WWTR1: variants seen among roughly 807,000 people sequenced by gnomAD.
The protein encoded by WWTR1 is WW domain-containing transcription regulator protein 1.
WWTR1 carries 13 observed loss-of-function variants against 40.1 expected under a neutral mutation model. The observed-to-expected ratio is 0.32, with a 90% CI of 0.21 to 0.52. WWTR1 has a LOEUF of 0.52. Among genes scored for constraint, WWTR1 ranks in the 20% least tolerant of loss-of-function variants. The pLI is 0.97. For synonymous variants in WWTR1, 230 were observed against 210.1 expected (o/e 1.09, Z -0.82); for missense variants, 436 against 523.1 (o/e 0.83, Z 1.63).
chr3:149,571,416 C>T (rs1344567634), intron 3 of WWTR1, among the ~76,000 whole-genome samples: 2 of 152,104 alleles, frequency 1.3e-5, no homozygotes, highest in Non-Finnish European at 2.9e-5. Context: ...CTGATTTCTA[C>T]ACGAGCTCCT....
At chr3:149,528,273 A>G (rs2107910194) in intron 4 of WWTR1, among the ~76,000 whole-genome samples, 1 of 152,284 alleles carries the variant, frequency 6.6e-6, no homozygotes, top group South Asian at 2.1e-4. Context: ...CTCTCAAAAC[A>G]CTTTGTCAGA....
chr3:149,666,693 T>A (rs1024988940), intron 2 of WWTR1, among the ~76,000 whole-genome samples: 2 of 152,194 alleles, frequency 1.3e-5, no homozygotes, highest in African/African-American at 4.8e-5. Context: ...ATTTTACAGA[T>A]AAGAAAACCA....
chr3:149,589,410 C>G (rs1283808025), intron 2 of WWTR1, among the ~76,000 whole-genome samples: 5 of 152,064 alleles, frequency 3.3e-5, no homozygotes, highest in African/African-American at 9.7e-5. Context: ...ATTTTTAACC[C>G]CCACGTTAAT....
At chr3:149,644,331 CT>C (rs1452961628) in intron 2 of WWTR1, among the ~76,000 whole-genome samples, 4 of 152,204 alleles carry the variant, frequency 2.6e-5, no homozygotes, top group Non-Finnish European at 5.9e-5. Context: ...TTAAATCACT[CT>C]TATGAATACC....
intron 2 of WWTR1, among the ~76,000 whole-genome samples, chr3:149,645,348 G>A (rs1372118167): frequency 6.6e-6 from 1 of 152,034 alleles, no homozygotes; most frequent in Non-Finnish European, 1.5e-5. Context: ...CAAAGTGCTG[G>A]GATTACAGGT....
intron 4 of WWTR1, 83 bp from the exon 5 acceptor site, chr3:149,528,052 A>G: frequency 6.6e-7 from 1 of 1,512,242 alleles, no homozygotes. Context: ...AAAACTTTTC[A>G]CCAAATACAA....
At chr3:149,666,878 C>A (rs1713844694) in intron 2 of WWTR1, among the ~76,000 whole-genome samples, 1 of 152,116 alleles carries the variant, frequency 6.6e-6, no homozygotes, top group South Asian at 2.1e-4. Flanking sequence ...TTGTCTTTTC[C>A]TTTAAAGAGA....
chr3:149,595,916 C>G (rs552762064), intron 2 of WWTR1, among the ~76,000 whole-genome samples: 21 of 152,132 alleles, frequency 1.4e-4, no homozygotes, highest in African/African-American at 4.6e-4. Context: ...ACCTGTAATC[C>G]CAGCTACTCG....
chr3:149,662,035 A>G (rs1036919418), upstream of WWTR1, among the ~76,000 whole-genome samples: 1 of 152,162 alleles, frequency 6.6e-6, no homozygotes, highest in East Asian at 1.9e-4. Flanking sequence ...CCGGCCAAAT[A>G]AAGCTCTTAA....
intron 2 of WWTR1, among the ~76,000 whole-genome samples, chr3:149,609,733 T>G (rs971105121): frequency 6.6e-6 from 1 of 152,198 alleles, no homozygotes; most frequent in African/African-American, 2.4e-5. Context: ...CTTTAGTAAG[T>G]TTCACCTTCA....
At chr3:149,559,407 A>C (rs190579493) in intron 3 of WWTR1, among the ~76,000 whole-genome samples, 45 of 152,184 alleles carry the variant, frequency 3.0e-4, no homozygotes, top group African/African-American at 1.1e-3. Context: ...CTTTGTCTCA[A>C]ATGGTTCAGA....
chr3:149,555,303 T>C (rs1443374616), intron 3 of WWTR1, among the ~76,000 whole-genome samples: 2 of 152,200 alleles, frequency 1.3e-5, no homozygotes, highest in East Asian at 1.9e-4. Flanking sequence ...TTCCAAGAGG[T>C]AGTCAAAAGA....
intron 2 of WWTR1, among the ~76,000 whole-genome samples, chr3:149,592,057 G>A (rs1267692899): frequency 2.0e-5 from 3 of 152,126 alleles, no homozygotes; most frequent in Non-Finnish European, 4.4e-5. Context: ...CAGCTATGGG[G>A]CAAGGTAACC....
chr3:149,544,098 T>C (rs1736261110), intron 3 of WWTR1, among the ~76,000 whole-genome samples: 1 of 151,982 alleles, frequency 6.6e-6, no homozygotes. Flanking sequence ...ATCTTCAGTT[T>C]GCTATGCATA....
chr3:149,625,833 T>A (rs1338150122), intron 2 of WWTR1, among the ~76,000 whole-genome samples: 3 of 151,414 alleles, frequency 2.0e-5, no homozygotes, highest in Admixed American at 6.6e-5. Context: ...CAAACAATTA[T>A]ATTCTCAAAA....
intron 2 of WWTR1, among the ~76,000 whole-genome samples, chr3:149,667,190 C>T (rs1713855606): frequency 6.6e-6 from 1 of 152,108 alleles, no homozygotes; most frequent in African/African-American, 2.4e-5. Context: ...AGTTGTATTC[C>T]TAAAATTATT....
intron 1 of WWTR1, among the ~76,000 whole-genome samples, chr3:149,674,621 A>G (rs1022340590): frequency 6.6e-6 from 1 of 152,100 alleles, no homozygotes; most frequent in African/African-American, 2.4e-5. Context: ...ACTTAAGGCT[A>G]GCCTTCAGAG....
Position 149,657,028 on chromosome 3 carries a change from G to A in WWTR1, c.279C>T (p.Ser93=). The change falls in exon 2 of 7, where the codon TCC becomes TCT. Residue 93 remains serine, a synonymous_variant. Transcript: ENST00000360632. The part of the protein sequence containing the change: ...QHVRSHSSPA[S]LQLGTGAGAA... The stretch of plus-strand genomic sequence containing the variant: ...CACCCGCGCCGGTGCCCAGCTGCAG[G>A]GACGCGGGCGACGAGTGCGAGCGGA... 1 of 1,589,072 alleles carries A rather than the reference G, an allele frequency of 6.3e-7. No individual in the cohort carries two copies. The highest frequency in any genetic ancestry group is 8.5e-7 in the Non-Finnish European group (1 of 1,172,722).
At chr3:149,716,643 G>A (rs1421935547) in intron 5 of WWTR1, among the ~76,000 whole-genome samples, 1 of 151,950 alleles carries the variant, frequency 6.6e-6, no homozygotes, top group East Asian at 1.9e-4. Flanking sequence ...ATTGATTGTT[G>A]AGACCTGTTT....
Sources: gnomAD v4.1 joint callset for allele counts (sites outside exome capture counted in the v4.1 genomes callset) on GRCh38, gnomAD v4.1.1 for gene constraint, MANE v1.5 for transcripts, NCBI Gene and HGNC (gene_info 2026-07-23, HGNC 2026-07-21) for gene names.